SLC2A14: variants seen among roughly 807,000 people sequenced by gnomAD.
SLC2A14 encodes the protein solute carrier family 2 member 14.
In SLC2A14, 13 loss-of-function variants were observed where a neutral mutation model predicts 43.0. That is an observed-to-expected ratio of 0.30 (90% CI 0.20 to 0.48). SLC2A14 has a LOEUF of 0.48. Among genes scored for constraint, SLC2A14 ranks in the 20% least tolerant of loss-of-function variants. The pLI, the probability that SLC2A14 is intolerant of heterozygous loss-of-function variation, is 0.99. For synonymous variants in SLC2A14, 190 were observed against 233.8 expected (o/e 0.81, Z 1.71); for missense variants, 428 against 620.4 (o/e 0.69, Z 3.29).
chr12:7,827,073 C>CTTTCTTTCTTTCTTTCTTTCTT (rs1349948625), intron 7 of SLC2A14, among the ~76,000 whole-genome samples: 3 of 118,164 alleles, frequency 2.5e-5, no homozygotes, highest in African/African-American at 1.0e-4. Flanking sequence ...TTCTCTCTCT[C>CTTTCTTTCTTTCTTTCTTTCTT]TCTTTCTTTC....
chr12:7,890,335 C>T (rs2121132499), intron 1 of SLC2A14, among the ~76,000 whole-genome samples: 1 of 152,132 alleles, frequency 6.6e-6, no homozygotes, highest in Middle Eastern at 3.4e-3. Context: ...TTCTCTCATG[C>T]CTTTACCCAA....
upstream of SLC2A14, among the ~76,000 whole-genome samples, chr12:7,875,154 T>TTAAATATATA (rs1945437169): frequency 7.3e-6 from 1 of 136,268 alleles, no homozygotes; most frequent in African/African-American, 2.7e-5. Context: ...ATATTTAAAA[T>TTAAATATATA]TAAATATATA....
At chr12:7,878,996 A>AC (rs1473793097) in intron 1 of SLC2A14, among the ~76,000 whole-genome samples, 2 of 128,392 alleles carry the variant, frequency 1.6e-5, no homozygotes, top group East Asian at 2.3e-4. Context: ...AAAAAAAAAA[A>AC]AAAAAAAAAC....
intron 2 of SLC2A14, chr12:7,839,917 G>A (rs1242666678): frequency 2.0e-5 from 5 of 246,278 alleles, no homozygotes; most frequent in Non-Finnish European, 3.8e-5. Flanking sequence ...AGGAGACCCT[G>A]TCTCTACAAA....
At chr12:7,871,662 A>AGGCCTG (rs1945241607) in intron 1 of SLC2A14, among the ~76,000 whole-genome samples, 3 of 152,010 alleles carry the variant, frequency 2.0e-5, no homozygotes, top group African/African-American at 7.2e-5. Flanking sequence ...GGAGGTACTG[A>AGGCCTG]GAGAAAGCCC....
chr12:7,853,239 G>A (rs778588032), intron 2 of SLC2A14, among the ~76,000 whole-genome samples: 1 of 151,936 alleles, frequency 6.6e-6, no homozygotes, highest in African/African-American at 2.4e-5. Context: ...AGGAGTTTGA[G>A]AGCAGCCTGA....
intron 4 of SLC2A14, chr12:7,831,327 G>T: frequency 9.1e-6 from 3 of 330,542 alleles, no homozygotes; most frequent in Non-Finnish European, 1.1e-5. Context: ...CCCCATAGTT[G>T]AGCTTACTAG....
At chr12:7,878,538 C>T (rs913179206) in intron 1 of SLC2A14, among the ~76,000 whole-genome samples, 1 of 152,028 alleles carries the variant, frequency 6.6e-6, no homozygotes, top group Admixed American at 6.6e-5. Flanking sequence ...GGATTACAGG[C>T]ATGAGCCACC....
chr12:7,872,725 T>C, intron 1 of SLC2A14, 82 bp downstream of exon 1: 1 of 967,232 alleles, frequency 1.0e-6, no homozygotes, highest in Non-Finnish European at 1.2e-6. Context: ...CGCCCACCTC[T>C]ACTCTAGCTC....
intron 2 of SLC2A14, chr12:7,863,344 C>T (rs748505703): frequency 8.8e-6 from 4 of 452,366 alleles, no homozygotes; most frequent in African/African-American, 4.0e-5. Context: ...TCCAGACGCA[C>T]CACTTTAAGG....
At chr12:7,871,889 TC>T (rs1384595137) in intron 1 of SLC2A14, 5 of 984,094 alleles carry the variant, frequency 5.1e-6, no homozygotes. Flanking sequence ...CAGCCACCCA[TC>T]GTGGGAGTGT....
intron 1 of SLC2A14, among the ~76,000 whole-genome samples, chr12:7,881,662 C>T (rs1024876251): frequency 4.6e-5 from 7 of 152,160 alleles, no homozygotes; most frequent in Admixed American, 3.9e-4. Flanking sequence ...GGAGTGTGGG[C>T]GCAGGGTGCG....
intron 9 of SLC2A14, among the ~76,000 whole-genome samples, chr12:7,818,419 G>T (rs1863659708): frequency 1.3e-5 from 2 of 152,182 alleles, no homozygotes; most frequent in Admixed American, 1.3e-4. Context: ...CCAGCACTTT[G>T]GGAGGGTGAA....
chr12:7,823,302 G>A (rs930904436), intron 7 of SLC2A14, among the ~76,000 whole-genome samples: 4 of 151,548 alleles, frequency 2.6e-5, no homozygotes, highest in Admixed American at 1.3e-4. Context: ...AGAATCGCTT[G>A]AGCCTGGGAG....
chr12:7,817,777 T>TAGATAGATAGAC (rs1312151797), intron 10 of SLC2A14, 54 bp downstream of exon 10: 150 of 1,587,172 alleles, frequency 9.5e-5, no homozygotes, highest in Middle Eastern at 5.1e-4. Flanking sequence ...GATAGATAGA[T>TAGATAGATAGAC]AGACAGATAC....
At chr12:7,872,619 G>T in intron 1 of SLC2A14, 188 bp downstream of exon 1, 1 of 344,000 alleles carries the variant, frequency 2.9e-6, no homozygotes, top group Non-Finnish European at 4.1e-6. Flanking sequence ...CATAGTAGGT[G>T]CTCAGTAAAT....
At chr12:7,844,049 G>A (rs948646699) in intron 2 of SLC2A14, among the ~76,000 whole-genome samples, 1 of 152,050 alleles carries the variant, frequency 6.6e-6, no homozygotes, top group Admixed American at 6.5e-5. Flanking sequence ...ACAGTTGGGT[G>A]AATATTTATA....
chr12:7,844,207 G>A (rs1866260713), intron 2 of SLC2A14, among the ~76,000 whole-genome samples: 1 of 152,172 alleles, frequency 6.6e-6, no homozygotes. Context: ...CATCATCAAT[G>A]AATTTTGTTG....
chr12:7,847,808 G>A (rs202088586), intron 2 of SLC2A14, among the ~76,000 whole-genome samples: 2 of 152,074 alleles, frequency 1.3e-5, no homozygotes, highest in African/African-American at 4.8e-5. Context: ...GGTGCAGAAA[G>A]AAAAATAAAA....
Sources: gnomAD v4.1 joint callset for allele counts (sites outside exome capture counted in the v4.1 genomes callset) on GRCh38, gnomAD v4.1.1 for gene constraint, MANE v1.5 for transcripts, NCBI Gene and HGNC (gene_info 2026-07-23, HGNC 2026-07-21) for gene names.